The following ZNF69 variants were observed in gnomAD, a reference collection of about 807,000 sequenced individuals.
ZNF69 encodes ZNF3.
Under a neutral mutation model 50.9 loss-of-function variants are expected in ZNF69, and 47 were observed. That is an observed-to-expected ratio of 0.92 (90% CI 0.73 to 1.18). The LOEUF (loss-of-function observed/expected upper bound fraction) is 1.18, where lower values mean the gene tolerates loss of function less well. Ranked by LOEUF, ZNF69 falls within the 50% of genes most tolerant of loss-of-function variation. The probability of loss-of-function intolerance (pLI) is 0.00; values close to 1 mark genes in which losing one functional copy is unlikely to be tolerated. For missense variants in ZNF69, 717 were observed against 675.1 expected, an observed-to-expected ratio of 1.06 and a Z score of -0.69; for synonymous variants, 216 against 223.1, an observed-to-expected ratio of 0.97 and a Z score of 0.29.
chr19:11,952,268 A>G, the ZNF69 span, among the ~76,000 whole-genome samples: 7 of 152,248 alleles, frequency 4.6e-5, no homozygotes, highest in Admixed American at 2.0e-4. Flanking sequence ...AAAGACTAAA[A>G]TATTTCCTAA....
At chr19:11,899,730 A>C (rs1972203223) in intron 1 of ZNF69, among the ~76,000 whole-genome samples, 3 of 152,148 alleles carry the variant, frequency 2.0e-5, no homozygotes, top group Admixed American at 6.6e-5. Context: ...TGTGGACATC[A>C]GTTTTCAGTT....
downstream of ZNF69, chr19:11,914,446 A>G (rs950447631): frequency 6.6e-6 from 1 of 152,242 alleles, no homozygotes; most frequent in African/African-American, 2.4e-5. Context: ...TTTACCAGAA[A>G]GTACCTTAGT....
At chr19:11,948,905 A>G in the ZNF69 span, 1 of 1,605,930 alleles carries the variant, frequency 6.2e-7, no homozygotes, top group South Asian at 1.1e-5. Flanking sequence ...AGTTCCTATC[A>G]TAGACATGAA....
the ZNF69 span, among the ~76,000 whole-genome samples, chr19:11,957,091 G>T: frequency 0.059 from 8,716 of 146,654 alleles, 779 homozygotes; most frequent in African/African-American, 0.16. Context: ...TAAGAAATAA[G>T]TTTTTTTTTT....
At chr19:11,910,355 C>T (rs974124008), downstream of ZNF69, among the ~76,000 whole-genome samples, 2 of 152,182 alleles carry the variant, frequency 1.3e-5, no homozygotes, top group Non-Finnish European at 2.9e-5. Context: ...GAAGAGCCCA[C>T]ATTGCCAAGA....
the ZNF69 span, among the ~76,000 whole-genome samples, chr19:11,936,947 C>T: frequency 2.0e-4 from 31 of 152,158 alleles, no homozygotes; most frequent in Admixed American, 5.2e-4. Context: ...AATAGGGAAT[C>T]GTTTCCCCAT....
At chr19:11,947,213 C>G in the ZNF69 span, 2 of 1,613,960 alleles carry the variant, frequency 1.2e-6, no homozygotes, top group Admixed American at 1.7e-5. Context: ...TGGCTGTGAA[C>G]TTCACCCAGG....
chr19:11,939,899 A>G, the ZNF69 span: 1 of 151,952 alleles, frequency 6.6e-6, no homozygotes, highest in South Asian at 2.1e-4. Flanking sequence ...TATTTTGCTT[A>G]TTGCAATTAT....
chr19:11,926,978 C>G, the ZNF69 span, among the ~76,000 whole-genome samples: 2 of 152,134 alleles, frequency 1.3e-5, no homozygotes, highest in Non-Finnish European at 1.5e-5. Context: ...AGGTCCTGAT[C>G]AGACCCCAGG....
chr19:11,911,479 A>G (rs1972456812), downstream of ZNF69, among the ~76,000 whole-genome samples: 1 of 152,248 alleles, frequency 6.6e-6, no homozygotes, highest in Non-Finnish European at 1.5e-5. Context: ...TACACCATGG[A>G]ATACTATGCA....
the ZNF69 span, among the ~76,000 whole-genome samples, chr19:11,952,109 G>C: frequency 1.3e-5 from 2 of 152,032 alleles, no homozygotes; most frequent in African/African-American, 4.8e-5. Context: ...TCGGGGGAGG[G>C]CAGAGGTTGC....
At chr19:11,888,738 C>T (rs1252657365) in intron 1 of ZNF69, among the ~76,000 whole-genome samples, 6 of 152,026 alleles carry the variant, frequency 3.9e-5, no homozygotes, top group Non-Finnish European at 5.9e-5. Context: ...GAGGCCAAGG[C>T]GGGCGGATCA....
chr19:11,916,904 C>G (rs1264444502), downstream of ZNF69, among the ~76,000 whole-genome samples: 1 of 152,138 alleles, frequency 6.6e-6, no homozygotes, highest in Admixed American at 6.5e-5. Flanking sequence ...CCCACCCACC[C>G]CCATCTCCTT....
chr19:11,973,871 AG>A, the ZNF69 span, among the ~76,000 whole-genome samples: 2 of 152,188 alleles, frequency 1.3e-5, no homozygotes, highest in Non-Finnish European at 2.9e-5. Context: ...CTACTGAATC[AG>A]TAAGACCATG....
chr19:11,889,203 G>A (rs573473943), intron 1 of ZNF69, among the ~76,000 whole-genome samples: 10 of 152,316 alleles, frequency 6.6e-5, no homozygotes, highest in African/African-American at 2.4e-4. Flanking sequence ...ATTCTAAGGT[G>A]TGACTTACCC....
chr19:11,929,324 C>T, the ZNF69 span, among the ~76,000 whole-genome samples: 3 of 147,978 alleles, frequency 2.0e-5, 1 homozygote, highest in African/African-American at 8.0e-5. Context: ...CCACCACACT[C>T]AGCTGATTTT....
At chr19:11,889,166 A>G (rs1052878814) in intron 1 of ZNF69, among the ~76,000 whole-genome samples, 1 of 152,152 alleles carries the variant, frequency 6.6e-6, no homozygotes, top group Non-Finnish European at 1.5e-5. Context: ...CAGCCAAAAA[A>G]CAGACCTGTT....
At chr19:11,964,426 G>A in the ZNF69 span, among the ~76,000 whole-genome samples, 4 of 152,166 alleles carry the variant, frequency 2.6e-5, no homozygotes, top group African/African-American at 9.7e-5. Context: ...ATTGTTTGGG[G>A]GCGACACCTG....
In ZNF69 at chr19:11,906,049, T is replaced by A; in HGVS notation, c.1652T>A (p.Met551Lys). The change falls in exon 4 of 4, where the codon ATG (methionine) becomes AAG (lysine). Residue 551 changes from methionine (M) to lysine (K), a missense_variant. Coordinates refer to ENST00000429654, the MANE Select transcript of ZNF69 (RefSeq NM_001364730.1). ...TTCAGAGCTGCCTCAGTCCTTCGAA[T>A]GCATGGTAGGACTCACCCTGAAGAT... is the stretch of plus-strand genomic sequence containing the variant. ...KAFRAASVLR[M>K]HGRTHPEDKP... The A allele has an allele frequency of 1.9e-6, 3 of 1,613,246 alleles. No homozygotes were observed. Among genetic ancestry groups the A allele is most frequent in the South Asian group, 1.1e-5 (1 of 91,004 alleles).
Sources: gnomAD v4.1 joint callset for allele counts (sites outside exome capture counted in the v4.1 genomes callset) on GRCh38, gnomAD v4.1.1 for gene constraint, MANE v1.5 for transcripts, NCBI Gene and HGNC (gene_info 2026-07-23, HGNC 2026-07-21) for gene names.